Variants in TMTC4 observed in about 807,000 individuals in gnomAD.
TMTC4 encodes the protein protein O-mannosyl-transferase TMTC4.
Under a neutral mutation model 86.0 loss-of-function variants are expected in TMTC4, and 65 were observed. The observed-to-expected ratio is 0.76, with a 90% CI of 0.62 to 0.93. The LOEUF (loss-of-function observed/expected upper bound fraction) is 0.93. TMTC4 is among the 40% of genes least tolerant of loss of function. The probability of loss-of-function intolerance (pLI) is 0.00; values close to 1 mark genes in which losing one functional copy is unlikely to be tolerated. For missense variants in TMTC4, 866 were observed against 948.1 expected (o/e 0.91, Z 1.14); for synonymous variants, 379 against 382.5 (o/e 0.99, Z 0.11).
At chr13:100,660,657 ATT>A (rs35020533) in intron 5 of TMTC4, among the ~76,000 whole-genome samples, 57 of 139,968 alleles carry the variant, frequency 4.1e-4, no homozygotes, top group Non-Finnish European at 7.0e-4. Flanking sequence ...TTAAAGCTGG[ATT>A]TTTTTTTTTT....
chr13:100,653,489 T>A (rs1884701596), intron 6 of TMTC4, among the ~76,000 whole-genome samples: 1 of 151,902 alleles, frequency 6.6e-6, no homozygotes, highest in Non-Finnish European at 1.5e-5. Flanking sequence ...AGAGGGTGGG[T>A]CTCAGGGTAC....
rs1383006264 is a variant in TMTC4 at position 100,674,503 on chromosome 13, C to G, written c.-208+241G>C. The G allele has an allele frequency of 8.6e-6, 8 of 932,088 alleles. No individual in the cohort carries two copies. In the Admixed American group the frequency reaches 1.9e-4, roughly 22 times the overall value. The allele number at this position is 932,088 out of a possible 1,614,324, so 57.7% of individuals were successfully genotyped here. ...GCCCGAGCGCGGCGGGCGGGGCGCG[C>G]AGCCTCCACGCCGCGCCCTTTGTCC... On this transcript the variant is annotated intron_variant, in intron 1 of 18. Coordinates refer to ENST00000342624, the MANE Select transcript of TMTC4 (RefSeq NM_032813.5).
chr13:100,634,328 T>C (rs1178657663), intron 12 of TMTC4, among the ~76,000 whole-genome samples: 1 of 152,124 alleles, frequency 6.6e-6, no homozygotes, highest in Non-Finnish European at 1.5e-5. Context: ...GTGCAGCACA[T>C]AGCATAAACT....
Position 100,605,394 on chromosome 13 carries a change from A to G in TMTC4, c.2135-252T>C, listed in dbSNP as rs1403475444. On this transcript the variant is annotated intron_variant, in intron 18 of 18. Coordinates refer to ENST00000342624, the MANE Select transcript of TMTC4 (RefSeq NM_032813.5). The surrounding 1 kb of genome is among the most constrained non-coding windows in gnomAD (Gnocchi z 4.3). ...AGATACATCTGCCTATAGTAACATT[A>G]TTACATAAAGAAGCAAAAAGAAGAG... Among the ~76,000 whole-genome samples, 1 of 152,214 alleles carries G rather than the reference A, an allele frequency of 6.6e-6. No homozygotes were observed. Among genetic ancestry groups the G allele is most frequent in the African/African-American group, 2.4e-5 (1 of 41,458 alleles).
chr13:100,627,855 G>C (rs1200266867), intron 12 of TMTC4, among the ~76,000 whole-genome samples: 1 of 152,092 alleles, frequency 6.6e-6, no homozygotes, highest in Non-Finnish European at 1.5e-5. Flanking sequence ...AGAGATGTGA[G>C]TGGGGGAGAA....
At chr13:100,650,454 A>G (rs1380816098) in intron 6 of TMTC4, among the ~76,000 whole-genome samples, 2 of 152,222 alleles carry the variant, frequency 1.3e-5, no homozygotes, top group Non-Finnish European at 2.9e-5. Context: ...TTTCAGAAAA[A>G]GCATCACGTT....
At chr13:100,670,148 C>T (rs1388919425) in intron 2 of TMTC4, 2 of 519,066 alleles carry the variant, frequency 3.9e-6, no homozygotes, top group Non-Finnish European at 6.6e-6. Flanking sequence ...GACCTGGACC[C>T]TGTTCTTTTC....
At chr13:100,674,516 G>T in intron 1 of TMTC4, 1 of 974,786 alleles carries the variant, frequency 1.0e-6, no homozygotes, top group Non-Finnish European at 1.2e-6. Flanking sequence ...CCTCCACGCC[G>T]CGCCCTTTGT....
At chr13:100,609,954 T>C (rs1877302151) in intron 17 of TMTC4, among the ~76,000 whole-genome samples, 1 of 152,124 alleles carries the variant, frequency 6.6e-6, no homozygotes, top group Non-Finnish European at 1.5e-5. Flanking sequence ...CATCTCAAAA[T>C]AGGTTCTGGA....
At chr13:100,607,072 A>C (rs1876741220) in intron 17 of TMTC4, among the ~76,000 whole-genome samples, 2 of 152,096 alleles carry the variant, frequency 1.3e-5, no homozygotes, top group African/African-American at 4.8e-5. Flanking sequence ...GTGTCTTCCT[A>C]CCCTGATCAC....
intron 15 of TMTC4, chr13:100,623,814 G>T (rs1467188086): frequency 9.5e-6 from 4 of 423,158 alleles, no homozygotes; most frequent in Non-Finnish European, 1.9e-5. Flanking sequence ...GGCATTGCTG[G>T]GTCTTGCCTT....
intron 3 of TMTC4, among the ~76,000 whole-genome samples, chr13:100,665,469 G>A (rs1237997397): frequency 1.3e-5 from 2 of 152,212 alleles, no homozygotes; most frequent in African/African-American, 4.8e-5. Flanking sequence ...CTGTGGCCTG[G>A]AAAGCCAGGG....
intron 1 of TMTC4, chr13:100,674,506 C>T: frequency 1.0e-6 from 1 of 962,192 alleles, no homozygotes; most frequent in Non-Finnish European, 1.2e-6. Context: ...GGGCGCGCAG[C>T]CTCCACGCCG....
At chr13:100,619,812 T>C (rs1879207216) in intron 15 of TMTC4, among the ~76,000 whole-genome samples, 1 of 152,218 alleles carries the variant, frequency 6.6e-6, no homozygotes, top group Non-Finnish European at 1.5e-5. Flanking sequence ...GTTCCAGTGA[T>C]TCCTCAGATC....
rs764244555 is a variant in TMTC4, at chr13:100,636,652, C to T, written c.1082G>A (p.Gly361Asp). The part of the protein sequence containing the change: ...PWWLCFDWSM[G>D]CIPLIKSISD... ...GATGGACTTAATGAGGGGGATGCAG[C>T]CCATTGACCAATCAAAACACAGCCA... The change falls in exon 10 of 19, where the codon GGC becomes GAC. Residue 361 changes from glycine to aspartate, a missense_variant. Coordinates refer to ENST00000342624, the MANE Select transcript of TMTC4 (RefSeq NM_032813.5). 1.2e-6 allele frequency: 2 copies of T among 1,614,162 alleles called. No individual in the cohort carries two copies. The highest frequency in any genetic ancestry group is 2.2e-5 in the South Asian group (2 of 91,068).
intron 1 of TMTC4, among the ~76,000 whole-genome samples, chr13:100,671,140 T>G (rs1249686913): frequency 6.6e-6 from 1 of 152,236 alleles, no homozygotes; most frequent in Non-Finnish European, 1.5e-5. Flanking sequence ...ATCTGTTTTA[T>G]TGTTTCAATA....
intron 12 of TMTC4, among the ~76,000 whole-genome samples, chr13:100,631,500 C>T (rs1881349578): frequency 6.6e-6 from 1 of 152,164 alleles, no homozygotes; most frequent in Non-Finnish European, 1.5e-5. Context: ...TATAAGTATA[C>T]TTGGTATCTC....
intron 15 of TMTC4, chr13:100,624,471 T>C (rs1480572089): frequency 1.9e-5 from 3 of 153,896 alleles, no homozygotes; most frequent in African/African-American, 7.2e-5. Flanking sequence ...TCCAGCTCCA[T>C]GAAGTAACCT....
intron 6 of TMTC4, among the ~76,000 whole-genome samples, chr13:100,646,042 CG>C (rs1230231325): frequency 6.6e-6 from 1 of 152,134 alleles, no homozygotes; most frequent in African/African-American, 2.4e-5. Flanking sequence ...GTGCCACTCA[CG>C]GGTGTGTGGT....
Sources: allele counts gnomAD v4.1 joint callset (sites outside exome capture counted in the v4.1 genomes callset), GRCh38; gene constraint gnomAD v4.1.1; non-coding constraint Gnocchi (gnomAD v3.1); transcripts MANE v1.5; gene names NCBI Gene and HGNC (gene_info 2026-07-23, HGNC 2026-07-21).